Variants in LPA observed in about 807,000 individuals in gnomAD.
The protein encoded by LPA is lipoprotein(a).
Under a neutral mutation model 197.9 loss-of-function variants are expected in LPA, and 199 were observed. The observed-to-expected ratio is 1.01, with a 90% CI of 0.90 to 1.13. The LOEUF is 1.13. Among genes scored for constraint, LPA ranks in the 50% most tolerant of loss-of-function variants. LPA has a pLI of 0.00. For synonymous variants in LPA, 715 were observed against 639.5 expected (o/e 1.12, Z -1.78); for missense variants, 1,853 against 1,785.8 (o/e 1.04, Z -0.68).
At chr6:160,588,925 G>T (rs952458962) in intron 24 of LPA, among the ~76,000 whole-genome samples, 10 of 152,154 alleles carry the variant, frequency 6.6e-5, no homozygotes, top group Admixed American at 5.9e-4. Flanking sequence ...AGTCCTTCAT[G>T]GCAGAAAGGC....
At chr6:160,567,366 A>T (rs1778476032) in intron 28 of LPA, among the ~76,000 whole-genome samples, 1 of 152,226 alleles carries the variant, frequency 6.6e-6, no homozygotes, top group Non-Finnish European at 1.5e-5. Context: ...AACTATATGG[A>T]AACTGAACAA....
intron 1 of LPA, among the ~76,000 whole-genome samples, chr6:160,655,613 T>A (rs922719299): frequency 3.3e-5 from 5 of 152,190 alleles, no homozygotes; most frequent in Non-Finnish European, 5.9e-5. Context: ...CGCAGCAAGT[T>A]ATGCTTCACC....
intron 30 of LPA, among the ~76,000 whole-genome samples, chr6:160,554,735 GT>G (rs1778226560): frequency 6.6e-6 from 1 of 151,956 alleles, no homozygotes; most frequent in South Asian, 2.1e-4. Context: ...TGCATATGCA[GT>G]TTATATTAGA....
Position 160,593,978 on chromosome 6 carries a change from T to G in LPA, c.3609A>C (p.Thr1203=). 3.1e-6 allele frequency: 5 copies of G among 1,613,902 alleles called. No individual in the cohort carries two copies. Among genetic ancestry groups the G allele is most frequent in the East Asian group, 2.2e-5 (1 of 44,856 alleles). Residue 1203 remains threonine (T), a synonymous_variant, in exon 22 of 39, where the codon ACA becomes ACC. Transcript: ENST00000316300. ...SSMTPHWHQR[T]TEYYPNGGLT... Reference sequence around the variant, plus strand: ...TGTACCCATTTGGATAATATTCTGTTGTCCTCTGATGCCAGTGTGGTGTCA... The same window carrying G: ...TGTACCCATTTGGATAATATTCTGTGGTCCTCTGATGCCAGTGTGGTGTCA...
intron 28 of LPA, among the ~76,000 whole-genome samples, chr6:160,567,482 C>T (rs1173794128): frequency 6.6e-6 from 1 of 152,174 alleles, no homozygotes; most frequent in Non-Finnish European, 1.5e-5. Flanking sequence ...ATCTCTGGGA[C>T]ACATTTAAAG....
Position 160,654,043 on chromosome 6 carries a change from A to ATATTATT in LPA, c.50-3547_50-3546insAATAATA, listed in dbSNP as rs1562354908. 7.0e-4 allele frequency among the ~76,000 whole-genome samples: 5 copies of ATATTATT among 7,170 alleles called. 1 individual carries two copies. The highest frequency in any genetic ancestry group is 1.1e-3 in the Non-Finnish European group (5 of 4,412). The allele number at this position is 7,170 out of a possible 152,430, so 4.7% of individuals were successfully genotyped here. On this transcript the variant is annotated intron_variant, in intron 1 of 38. Coordinates refer to ENST00000316300, the MANE Select transcript of LPA (RefSeq NM_005577.4). ...ATAATATATAATATATATTATATAT[A>ATATTATT]ATATATAATATATTATATATATTAT...
rs1562354412 is a variant in LPA at position 160,653,973 on chromosome 6, TAATATATAA to T, written c.50-3485_50-3477del. ...TATTATATATAATATATATTATATA[TAATATATAA>T]TATATAATATATATTATATATAATA... On this transcript the variant is annotated intron_variant, in intron 1 of 38. Coordinates refer to ENST00000316300, the MANE Select transcript of LPA (RefSeq NM_005577.4). Among the ~76,000 whole-genome samples, 14 of 21,100 alleles carry T rather than the reference TAATATATAA, an allele frequency of 6.6e-4. 1 individual carries two copies. The highest frequency in any genetic ancestry group is 1.0e-3 in the Non-Finnish European group (13 of 12,652). 13.8% of individuals were successfully genotyped at this position (21,100 alleles called of 152,430 possible).
chr6:160,604,648 CT>C (rs1364443052), intron 18 of LPA, among the ~76,000 whole-genome samples: 1 of 152,104 alleles, frequency 6.6e-6, no homozygotes, highest in African/African-American at 2.4e-5. Flanking sequence ...ATATACTTTC[CT>C]TGTAAGCCAA....
rs1777807181 is a variant in LPA, at chr6:160,531,611, G to A, written c.*118C>T. 1 of 1,391,588 alleles carries A rather than the reference G, an allele frequency of 7.2e-7. No homozygotes were observed. Among genetic ancestry groups the A allele is most frequent in the Admixed American group, 1.7e-5 (1 of 57,744 alleles). The allele number at this position is 1,391,588 out of a possible 1,614,324, so 86.2% of individuals were successfully genotyped here. A position where few individuals can be genotyped will look rare whatever the true frequency, so the allele number is the denominator to read the frequency against. ...ACCAAAAATGCCAAGGTTTGGCATA[G>A]CTGGTAGCTGGGAACAGTGTCTTCG... On this transcript the variant is annotated 3_prime_UTR_variant, in exon 39 of 39. Transcript: ENST00000316300.
At chr6:160,568,227 C>T (rs1264703357) in intron 28 of LPA, among the ~76,000 whole-genome samples, 3 of 152,224 alleles carry the variant, frequency 2.0e-5, no homozygotes, top group East Asian at 3.9e-4. Flanking sequence ...AACATTGATG[C>T]AAAAATCCTC....
chr6:160,569,296 G>GACCTAAAACCATATAAACCCTAGAA (rs1436685822), intron 28 of LPA, among the ~76,000 whole-genome samples: 4 of 152,006 alleles, frequency 2.6e-5, no homozygotes, highest in African/African-American at 2.4e-5. Flanking sequence ...ATAGACCAAT[G>GACCTAAAACCATATAAACCCTAGAA]GAACAGAACA....
At position 160,557,478 on chromosome 6, in the gene LPA, A is replaced by G. The variant is rs775328449; in HGVS notation, c.4725T>C (p.Asn1575=). The G allele has an allele frequency of 6.2e-7, 1 of 1,614,074 alleles. No homozygotes were observed. Among genetic ancestry groups the G allele is most frequent in the South Asian group, 1.1e-5 (1 of 91,070 alleles). Residue 1575 remains asparagine, a synonymous_variant, in exon 29 of 39, where the codon AAT becomes AAC. Transcript: ENST00000316300. The stretch of plus-strand genomic sequence containing the variant: ...ATTCTGTTTCTGAGCATTGTGTCAG[A>G]TTGCAGTACTCCCACCTCACACACG... ...TDPCVRWEYC[N]LTQCSETESG... is the part of the protein sequence containing the mutation.
chr6:160,659,235 A>C (rs1388850068), intron 1 of LPA, among the ~76,000 whole-genome samples: 1 of 152,104 alleles, frequency 6.6e-6, no homozygotes, highest in Admixed American at 6.5e-5. Context: ...CAGGGGCCTC[A>C]GGGTGCTTGC....
intron 1 of LPA, among the ~76,000 whole-genome samples, chr6:160,663,038 T>A (rs2115115848): frequency 6.6e-6 from 1 of 152,316 alleles, no homozygotes; most frequent in Non-Finnish European, 1.5e-5. Context: ...GTGGATAAGG[T>A]GCCCAAGCTA....
Position 160,552,218 on chromosome 6 carries a change from A to C in LPA, c.4974-3559T>G, listed in dbSNP as rs74490667. On this transcript the variant is annotated intron_variant, in intron 30 of 38. Coordinates refer to ENST00000316300, the MANE Select transcript of LPA (RefSeq NM_005577.4). Reference sequence around the variant, plus strand: ...TGAGCCAAGGGGCCAGGCCAATACCACATGTCTTGATTCCTGTACTTTTAT... The same window carrying C: ...TGAGCCAAGGGGCCAGGCCAATACCCCATGTCTTGATTCCTGTACTTTTAT... Among the ~76,000 whole-genome samples, 560 of 152,284 alleles carry C rather than the reference A, an allele frequency of 3.7e-3. 3 individuals carry two copies. The highest frequency in any genetic ancestry group is 0.012 in the African/African-American group (512 of 41,574).
intron 1 of LPA, among the ~76,000 whole-genome samples, chr6:160,663,184 T>G (rs974188364): frequency 6.6e-6 from 1 of 152,240 alleles, no homozygotes; most frequent in South Asian, 2.1e-4. Flanking sequence ...ATCACTTTCT[T>G]TATACCAGAC....
intron 30 of LPA, among the ~76,000 whole-genome samples, chr6:160,553,954 T>TGTGCGTGTGTGTGCGCGC (rs771903485): frequency 7.6e-6 from 1 of 130,808 alleles, no homozygotes; most frequent in South Asian, 2.5e-4. Flanking sequence ...TGTGTGTGTG[T>TGTGCGTGTGTGTGCGCGC]GCGCGCGCGC....
chr6:160,573,775 C>T (rs1778605243), intron 28 of LPA, among the ~76,000 whole-genome samples: 1 of 152,116 alleles, frequency 6.6e-6, no homozygotes, highest in African/African-American at 2.4e-5. Context: ...GTGATGTGAA[C>T]CATCTATGGG....
chr6:160,595,491 C>T lies in LPA; in HGVS notation c.3332G>A (p.Arg1111His), dbSNP rs538344206. The change falls in exon 21 of 39, where the codon CGC (arginine) becomes CAC (histidine). Residue 1111 changes from arginine to histidine, a missense_variant. Around this residue, in one of 3 missense-constraint regions of LPA, gnomAD observed 1,737 missense variants for 1,504.4 expected, o/e 1.15. Coordinates refer to ENST00000316300, the MANE Select transcript of LPA (RefSeq NM_005577.4). ...NYCRNPDAEI[R>H]PWCYTMDPSV... is the part of the protein sequence containing the mutation. ...GGGATCCATGGTGTAACACCAAGGG[C>T]GAATCTCAGCATCTGGATTCCTGCA... 67 of 1,613,910 alleles carry T rather than the reference C, an allele frequency of 4.2e-5. No individual in the cohort carries two copies. Among genetic ancestry groups the T allele is most frequent in the South Asian group, 6.6e-5 (6 of 91,060 alleles).
Sources: gnomAD v4.1 joint callset for allele counts (sites outside exome capture counted in the v4.1 genomes callset) on GRCh38, gnomAD v4.1.1 for gene constraint, gnomAD v4.1.1 regional missense constraint, MANE v1.5 for transcripts, NCBI Gene and HGNC (gene_info 2026-07-23, HGNC 2026-07-21) for gene names.